MARCHF1: variants seen among roughly 807,000 people sequenced by gnomAD.
MARCHF1 encodes the protein membrane associated ring-CH-type finger 1.
A neutral mutation model predicts 54.2 loss-of-function variants in MARCHF1; 40 were observed. That is an observed-to-expected ratio of 0.74 (90% CI 0.57 to 0.96). The LOEUF (loss-of-function observed/expected upper bound fraction) is 0.96, where lower values mean the gene tolerates loss of function less well. Ranked by LOEUF, MARCHF1 falls within the 40% of genes least tolerant of loss-of-function variation. The pLI is 0.00. For missense variants in MARCHF1, 586 were observed against 656.5 expected, an observed-to-expected ratio of 0.89 and a Z score of 1.17; for synonymous variants, 236 against 236.3, an observed-to-expected ratio of 1.00 and a Z score of 0.01.
Position 164,007,644 on chromosome 4 carries a change from CTCTGTGTGTGTG to C in MARCHF1, c.-247-18947_-247-18936del, listed in dbSNP as rs1191661452. Among the ~76,000 whole-genome samples, 546 of 101,652 alleles carry C rather than the reference CTCTGTGTGTGTG, an allele frequency of 5.4e-3. 5 individuals carry two copies. Among genetic ancestry groups the C allele is most frequent in the African/African-American group, 0.021 (529 of 25,598 alleles). The allele number at this position is 101,652 out of a possible 152,430, so 66.7% of individuals were successfully genotyped here. On this transcript the variant is annotated intron_variant, in intron 2 of 9. Transcript: ENST00000514618. ...GTAGAATTTATTTCTCTCTCTCTCTCTCTGTGTGTGTGTGTGTGTGTGTGTGTGTGTGTGTGT... is the reference window on the plus strand; with the variant it reads ...GTAGAATTTATTTCTCTCTCTCTCTCTGTGTGTGTGTGTGTGTGTGTGTGT...
At chr4:164,008,933 T>C (rs900043155) in intron 2 of MARCHF1, among the ~76,000 whole-genome samples, 5 of 151,266 alleles carry the variant, frequency 3.3e-5, no homozygotes, top group African/African-American at 1.2e-4. Context: ...AAAAACCCAA[T>C]TAGTAGAAGG....
intron 5 of MARCHF1, among the ~76,000 whole-genome samples, chr4:163,698,443 T>C (rs1744702208): frequency 2.0e-5 from 3 of 152,200 alleles, no homozygotes; most frequent in Non-Finnish European, 2.9e-5. Context: ...TTGGTTTAAA[T>C]AGGTAAACTC....
chr4:163,986,465 C>T (rs1261228767), intron 3 of MARCHF1, among the ~76,000 whole-genome samples: 1 of 151,404 alleles, frequency 6.6e-6, no homozygotes, highest in African/African-American at 2.4e-5. Flanking sequence ...AGGGTTTCAC[C>T]GAGTTAGACC....
intron 5 of MARCHF1, among the ~76,000 whole-genome samples, chr4:163,675,846 C>A (rs1160815154): frequency 6.6e-6 from 1 of 152,058 alleles, no homozygotes; most frequent in East Asian, 1.9e-4. Context: ...ATGTTTAGTG[C>A]CTTTGTAAGG....
intron 1 of MARCHF1, among the ~76,000 whole-genome samples, chr4:164,263,325 C>A (rs376181405): frequency 7.2e-5 from 11 of 152,204 alleles, no homozygotes; most frequent in East Asian, 1.9e-4. Context: ...TTTTTGATAT[C>A]TGCAATATAT....
chr4:163,543,820 T>C (rs1325717170), intron 9 of MARCHF1, among the ~76,000 whole-genome samples: 2 of 152,176 alleles, frequency 1.3e-5, no homozygotes, highest in African/African-American at 4.8e-5. Context: ...CTTCCTCTTC[T>C]TACATCTACG....
chr4:163,555,100 AAG>A (rs1378278568), intron 8 of MARCHF1, among the ~76,000 whole-genome samples: 4 of 152,210 alleles, frequency 2.6e-5, no homozygotes, highest in Admixed American at 2.0e-4. Flanking sequence ...GAATGGAAAA[AAG>A]AGAAATGGAA....
chr4:163,715,109 T>C lies in MARCHF1; in HGVS notation c.112-14246A>G, dbSNP rs1408199172. On this transcript the variant is annotated intron_variant, in intron 4 of 9. Transcript: ENST00000514618. ...AACGCCATTAAATGGATTTTGGTCA[T>C]AGTATATTATAATTTGGATTTAACA... Among the ~76,000 whole-genome samples, 5 of 152,252 alleles carry C rather than the reference T, an allele frequency of 3.3e-5. No homozygotes were observed. In the East Asian group the frequency reaches 5.8e-4, roughly 18 times the overall value.
intron 3 of MARCHF1, among the ~76,000 whole-genome samples, chr4:163,979,083 C>G (rs1477799297): frequency 2.2e-5 from 3 of 135,674 alleles, no homozygotes; most frequent in Admixed American, 7.6e-5. Context: ...AGCTTAGTTA[C>G]ATATATATAC....
At chr4:164,001,479 C>T (rs11736201) in intron 2 of MARCHF1, among the ~76,000 whole-genome samples, 61,270 of 151,486 alleles carry the variant, frequency 0.4, 13,686 homozygotes, top group Non-Finnish European at 0.5. Flanking sequence ...TGTTTTCAGG[C>T]TTTTTTCACA....
At chr4:164,190,256 G>A (rs1731089903) in intron 1 of MARCHF1, 1 of 1,124,470 alleles carries the variant, frequency 8.9e-7, no homozygotes, top group East Asian at 2.3e-5. Context: ...AAATTGTTCA[G>A]CCACTTATCA....
chr4:164,274,360 T>G (rs1009955246), intron 1 of MARCHF1, among the ~76,000 whole-genome samples: 5 of 152,272 alleles, frequency 3.3e-5, no homozygotes, highest in African/African-American at 1.2e-4. Flanking sequence ...AAAAATGGCT[T>G]AAGCCTGCAA....
intron 7 of MARCHF1, among the ~76,000 whole-genome samples, chr4:163,604,133 G>A (rs1560968772): frequency 6.6e-6 from 1 of 152,012 alleles, no homozygotes; most frequent in Non-Finnish European, 1.5e-5. Flanking sequence ...TCCCATGGGG[G>A]ATCTTGACAA....
intron 2 of MARCHF1, among the ~76,000 whole-genome samples, chr4:164,027,443 T>C (rs1243279822): frequency 8.1e-6 from 1 of 123,922 alleles, no homozygotes; most frequent in East Asian, 2.7e-4. Flanking sequence ...CCAGAAATAA[T>C]CCTGCTCACC....
chr4:163,982,632 A>C (rs1752785804), intron 3 of MARCHF1, among the ~76,000 whole-genome samples: 2 of 152,228 alleles, frequency 1.3e-5, no homozygotes, highest in African/African-American at 4.8e-5. Context: ...GGTTTTTAAC[A>C]AGGATTGGTT....
At chr4:163,677,230 G>A (rs1414151213) in intron 5 of MARCHF1, among the ~76,000 whole-genome samples, 1 of 152,194 alleles carries the variant, frequency 6.6e-6, no homozygotes, top group Non-Finnish European at 1.5e-5. Flanking sequence ...TTTTAAAGAT[G>A]TAAATTAGAT....
intron 4 of MARCHF1, among the ~76,000 whole-genome samples, chr4:163,761,519 G>GGAA (rs10673034): frequency 0.48 from 72,792 of 151,812 alleles, 17,482 homozygotes; most frequent in Admixed American, 0.52. Context: ...AATATTAAGT[G>GGAA]GAAGAAGTTG....
At chr4:164,354,462 C>T (rs1486290347) in intron 1 of MARCHF1, among the ~76,000 whole-genome samples, 7 of 131,504 alleles carry the variant, frequency 5.3e-5, no homozygotes, top group East Asian at 2.3e-4. Flanking sequence ...GTTCAATATA[C>T]GCAAATCAAC....
chr4:164,360,632 G>T (rs554515265), intron 1 of MARCHF1, among the ~76,000 whole-genome samples: 8 of 152,052 alleles, frequency 5.3e-5, no homozygotes, highest in Non-Finnish European at 1.0e-4. Context: ...CTGAGATGGG[G>T]CTCCAAATTT....
Sources: gnomAD v4.1 joint callset for allele counts (sites outside exome capture counted in the v4.1 genomes callset) on GRCh38, gnomAD v4.1.1 for gene constraint, MANE v1.5 for transcripts, NCBI Gene and HGNC (gene_info 2026-07-23, HGNC 2026-07-21) for gene names.